ATP13A3: variants seen among roughly 807,000 people sequenced by gnomAD.
The protein encoded by ATP13A3 is ATPase 13A3.
ATP13A3 carries 59 observed loss-of-function variants against 158.1 expected under a neutral mutation model. That is an observed-to-expected ratio of 0.37 (90% CI 0.30 to 0.46). ATP13A3 has a LOEUF of 0.46. ATP13A3 is among the 20% of genes least tolerant of loss of function. The probability of loss-of-function intolerance (pLI) is 1.00; values close to 1 mark genes in which losing one functional copy is unlikely to be tolerated. For synonymous variants in ATP13A3, 491 were observed against 504.3 expected (o/e 0.97, Z 0.35); for missense variants, 1,166 against 1,525.2 (o/e 0.76, Z 3.92).
rs576028869 is a variant in ATP13A3 at position 194,423,765 on chromosome 3, T to C, written c.3313+1577A>G. 9.8e-5 allele frequency among the ~76,000 whole-genome samples: 15 copies of C among 152,332 alleles called. No homozygotes were observed. In the South Asian group the frequency reaches 3.1e-3, roughly 32 times the overall value. On this transcript the variant is annotated intron_variant, in intron 30 of 33. Coordinates refer to ENST00000645319, the MANE Select transcript of ATP13A3 (RefSeq NM_001367549.1). ...ACGAGAAAACAAAATTTCTTAAACC[T>C]TTTTTAATAAGTTTTCCAAACATAT...
chr3:194,468,763 G>C (rs76091690), intron 2 of ATP13A3, among the ~76,000 whole-genome samples: 24 of 152,200 alleles, frequency 1.6e-4, no homozygotes, highest in African/African-American at 5.1e-4. Context: ...TTTAAATAAC[G>C]ACCTGTAATC....
At chr3:194,463,736 A>G (rs1411071213) in intron 2 of ATP13A3, among the ~76,000 whole-genome samples, 1 of 152,250 alleles carries the variant, frequency 6.6e-6, no homozygotes, top group Non-Finnish European at 1.5e-5. Context: ...TGCACTAAGT[A>G]ACAATACCTA....
chr3:194,484,396 G>A (rs1433222031), intron 2 of ATP13A3, among the ~76,000 whole-genome samples: 3 of 152,062 alleles, frequency 2.0e-5, no homozygotes, highest in Non-Finnish European at 4.4e-5. Context: ...GTATAACGTG[G>A]TGGTTTTGTA....
chr3:194,474,029 A>G (rs916787811), intron 2 of ATP13A3, among the ~76,000 whole-genome samples: 2 of 152,230 alleles, frequency 1.3e-5, no homozygotes, highest in Non-Finnish European at 2.9e-5. Flanking sequence ...AGAGGCTACC[A>G]TTAACGGTTT....
intron 20 of ATP13A3, among the ~76,000 whole-genome samples, chr3:194,434,810 T>G (rs1186061147): frequency 6.6e-6 from 1 of 152,114 alleles, no homozygotes; most frequent in Non-Finnish European, 1.5e-5. Flanking sequence ...GTCCCACTAC[T>G]TGGAAGGCTT....
Position 194,455,964 on chromosome 3 carries a change from T to C in ATP13A3, c.561-2A>G. ...TCATTTACTCCATAAAGCAGTTTTCTATAACAGGAAAATACATTCATAGTA... is the reference window on the plus strand; with the variant it reads ...TCATTTACTCCATAAAGCAGTTTTCCATAACAGGAAAATACATTCATAGTA... On this transcript the variant is annotated splice_acceptor_variant, in intron 7 of 33. Coordinates refer to ENST00000645319, the MANE Select transcript of ATP13A3 (RefSeq NM_001367549.1). LOFTEE classifies it high-confidence loss of function. The C allele has an allele frequency of 6.6e-7, 1 of 1,511,748 alleles. No homozygotes were observed. The highest frequency in any genetic ancestry group is 1.2e-5 in the South Asian group (1 of 81,118). 93.6% of individuals were successfully genotyped at this position (1,511,748 alleles called of 1,614,324 possible).
intron 29 of ATP13A3, among the ~76,000 whole-genome samples, chr3:194,426,103 T>C (rs1017887726): frequency 1.3e-5 from 2 of 152,052 alleles, no homozygotes; most frequent in African/African-American, 4.8e-5. Context: ...GCATGAATTA[T>C]AAACACAGGT....
Position 194,457,147 on chromosome 3 carries a change from C to A in ATP13A3, c.507G>T (p.Thr169=), listed in dbSNP as rs376463902. The A allele has an allele frequency of 5.6e-6, 9 of 1,613,318 alleles. No homozygotes were observed. The South Asian group carries it at 9.9e-5, about 18-fold the overall frequency. Residue 169 remains threonine, a synonymous_variant, in exon 7 of 34, where the codon ACG becomes ACT. Transcript: ENST00000645319. ...LKGLDEGVSC[T]SIYEKHSAGL... ...CTGCACTATGCTTTTCATAAATTGACGTACAAGAAACACCTTCATCCAGTC... is the reference window on the plus strand; with the variant it reads ...CTGCACTATGCTTTTCATAAATTGAAGTACAAGAAACACCTTCATCCAGTC...
chr3:194,428,774 T>C, intron 28 of ATP13A3, 71 bp downstream of exon 28: 1 of 1,113,320 alleles, frequency 9.0e-7, no homozygotes, highest in Non-Finnish European at 1.3e-6. Flanking sequence ...TGATGTAAAT[T>C]TACAAAAATT....
chr3:194,440,202 C>T (rs1320667905), intron 16 of ATP13A3, among the ~76,000 whole-genome samples: 2 of 152,084 alleles, frequency 1.3e-5, no homozygotes, highest in South Asian at 2.1e-4. Flanking sequence ...CAAACGGGAA[C>T]GAAACAGTAG....
chr3:194,459,657 A>G, intron 5 of ATP13A3, 116 bp from the exon 6 acceptor site: 4 of 1,119,766 alleles, frequency 3.6e-6, no homozygotes, highest in Non-Finnish European at 5.1e-6. Flanking sequence ...ATATAGTAAT[A>G]TGTAATATTT....
At chr3:194,474,770 A>AT (rs1316968159) in intron 2 of ATP13A3, among the ~76,000 whole-genome samples, 1 of 152,194 alleles carries the variant, frequency 6.6e-6, no homozygotes. Flanking sequence ...TCATTTTACC[A>AT]TAGCTAAAAT....
chr3:194,441,957 A>G (rs1037317930), intron 15 of ATP13A3, among the ~76,000 whole-genome samples: 2 of 152,248 alleles, frequency 1.3e-5, no homozygotes, highest in Non-Finnish European at 1.5e-5. Context: ...ACTATGCACC[A>G]GGCATTATTC....
At chr3:194,432,836 A>T (rs1717326531) in intron 21 of ATP13A3, among the ~76,000 whole-genome samples, 1 of 152,164 alleles carries the variant, frequency 6.6e-6, no homozygotes, top group African/African-American at 2.4e-5. Flanking sequence ...AACAAAAAAC[A>T]GAGCTACCAC....
chr3:194,421,310 T>C lies in ATP13A3; in HGVS notation c.3314-1343A>G, dbSNP rs565391009. Among the ~76,000 whole-genome samples, 86 of 146,126 alleles carry C rather than the reference T, an allele frequency of 5.9e-4. 1 individual carries two copies. In the South Asian group the frequency reaches 0.019, roughly 32 times the overall value. ...GGCTCACGCCTGTAATCCTAGCACTTTGGGAGGCCGAGGCGGGCGGATCAC... is the reference window on the plus strand; with the variant it reads ...GGCTCACGCCTGTAATCCTAGCACTCTGGGAGGCCGAGGCGGGCGGATCAC... On this transcript the variant is annotated intron_variant, in intron 30 of 33. Coordinates refer to ENST00000645319, the MANE Select transcript of ATP13A3 (RefSeq NM_001367549.1).
intron 33 of ATP13A3, among the ~76,000 whole-genome samples, chr3:194,408,201 G>T (rs894012208): frequency 6.6e-6 from 1 of 151,998 alleles, no homozygotes; most frequent in African/African-American, 2.4e-5. Context: ...TTGTATTTTA[G>T]TAGAGACGGG....
At chr3:194,472,222 T>C (rs945180218) in intron 2 of ATP13A3, 1 of 157,070 alleles carries the variant, frequency 6.4e-6, no homozygotes, top group Admixed American at 6.6e-5. Flanking sequence ...GTTTCAGTAG[T>C]AGCTGAACCT....
Position 194,486,646 on chromosome 3 carries a change from G to A in ATP13A3, c.-169C>T, listed in dbSNP as rs561954891. 0.019 allele frequency: 2,781 copies of A among 148,740 alleles called. 48 individuals carry two copies. Among genetic ancestry groups the A allele is most frequent in the Non-Finnish European group, 0.029 (1,921 of 66,570 alleles). 9.2% of individuals were successfully genotyped at this position (148,740 alleles called of 1,614,324 possible). ...CGGACCAGCCCCAGGGACCGCGGGGGACCCGGCCGCCGCTGTCGCCGCCGC... is the reference window on the plus strand; with the variant it reads ...CGGACCAGCCCCAGGGACCGCGGGGAACCCGGCCGCCGCTGTCGCCGCCGC... On this transcript the variant is annotated 5_prime_UTR_variant, in exon 1 of 34. Coordinates refer to ENST00000645319, the MANE Select transcript of ATP13A3 (RefSeq NM_001367549.1).
intron 6 of ATP13A3, 101 bp from the exon 7 acceptor site, chr3:194,457,275 C>G (rs1448053505): frequency 3.6e-5 from 27 of 751,944 alleles, no homozygotes; most frequent in Admixed American, 5.4e-5. Flanking sequence ...GGTGTGACTT[C>G]CTTACAAATC....
Sources: gnomAD v4.1 joint callset for allele counts (sites outside exome capture counted in the v4.1 genomes callset) on GRCh38, gnomAD v4.1.1 for gene constraint, MANE v1.5 for transcripts, NCBI Gene and HGNC (gene_info 2026-07-23, HGNC 2026-07-21) for gene names.